The following HAPLN3 variants were observed in gnomAD, a reference collection of about 807,000 sequenced individuals.
The protein encoded by HAPLN3 is extracellular link domain containing, 1.
A neutral mutation model predicts 28.1 loss-of-function variants in HAPLN3; 28 were observed. That is an observed-to-expected ratio of 1.00 (90% confidence interval 0.74 to 1.37). The LOEUF is 1.37. Ranked by LOEUF, HAPLN3 falls within the 40% of genes most tolerant of loss-of-function variation. HAPLN3 has a pLI of 0.00. For synonymous variants in HAPLN3, 211 were observed against 213.1 expected, an observed-to-expected ratio of 0.99 and a Z score of 0.09; for missense variants, 513 against 504.6, an observed-to-expected ratio of 1.02 and a Z score of -0.16.
Position 88,888,268 on chromosome 15 carries a change from A to T in HAPLN3, c.-47-923T>A, listed in dbSNP as rs115340002. Among the ~76,000 whole-genome samples, 6,582 of 151,740 alleles carry T rather than the reference A, an allele frequency of 0.043. 489 individuals are homozygous for T. Among genetic ancestry groups the T allele is most frequent in the African/African-American group, 0.15 (6,114 of 41,350 alleles). The stretch of plus-strand genomic sequence containing the variant: ...CACCAAGCTCAGCTAATTTTTTGTA[A>T]TTTTAGTACAGACGGGGTTTCACCG... On this transcript the variant is annotated intron_variant, in intron 1 of 4. Coordinates refer to ENST00000359595, the MANE Select transcript of HAPLN3 (RefSeq NM_178232.4). The surrounding 1 kb of genome is among the most constrained non-coding windows in gnomAD (Gnocchi z 4.1).
rs1212575069 is a variant in HAPLN3, at chr15:88,877,955, G to C, written c.*15C>G. The C allele has an allele frequency of 6.4e-7, 1 of 1,574,134 alleles. No homozygotes were observed. The highest frequency in any genetic ancestry group is 8.6e-7 in the Non-Finnish European group (1 of 1,159,210). ...ACAGCCAGTGAGGGAATGCGGCAGG[G>C]GAGGGCCCCAGGTCCTAGTGCTGGC... On this transcript the variant is annotated 3_prime_UTR_variant, in exon 5 of 5. Transcript: ENST00000359595. The surrounding 1 kb of genome is among the most constrained non-coding windows in gnomAD (Gnocchi z 5.1).
chr15:88,884,989 G>C (rs561145042), intron 2 of HAPLN3, among the ~76,000 whole-genome samples: 40 of 152,330 alleles, frequency 2.6e-4, no homozygotes, highest in African/African-American at 8.7e-4. Flanking sequence ...ACTAATTTTG[G>C]ATTTCTGGTG....
chr15:88,889,569 C>T (rs769309037), intron 1 of HAPLN3, among the ~76,000 whole-genome samples: 13 of 152,196 alleles, frequency 8.5e-5, no homozygotes, highest in Non-Finnish European at 2.9e-5. Flanking sequence ...CTCCTCGCCT[C>T]GAGTGATCCG....
chr15:88,892,712 C>T (rs1367631183), intron 1 of HAPLN3, among the ~76,000 whole-genome samples: 2 of 152,148 alleles, frequency 1.3e-5, no homozygotes, highest in Non-Finnish European at 2.9e-5. Context: ...TAAAGGGGAA[C>T]TCGGGGGCTG....
chr15:88,878,115 G>A lies in HAPLN3; in HGVS notation c.938C>T (p.Ala313Val), dbSNP rs2141653423. 2 of 1,614,136 alleles carry A rather than the reference G, an allele frequency of 1.2e-6. No individual in the cohort carries two copies. Among genetic ancestry groups the A allele is most frequent in the South Asian group, 2.2e-5 (2 of 91,082 alleles). The change falls in exon 5 of 5, where the codon GCT (alanine) becomes GTT (valine). Residue 313 changes from alanine to valine, a missense_variant. Coordinates refer to ENST00000359595, the MANE Select transcript of HAPLN3 (RefSeq NM_178232.4). ...GACGCTACCATCTGCCAGCCAGCCA[G>A]CGTCGCAGCGGTCCAGGCCATGGAA... ...WKFHGLDRCD[A>V]GWLADGSVRY...
rs181790210 is a variant in HAPLN3, at chr15:88,884,768, C to T, written c.124+2407G>A. Among the ~76,000 whole-genome samples, 15 of 151,898 alleles carry T rather than the reference C, an allele frequency of 9.9e-5. 1 individual carries two copies. The highest frequency in any genetic ancestry group is 3.9e-4 in the Admixed American group (6 of 15,260). On this transcript the variant is annotated intron_variant, in intron 2 of 4. Coordinates refer to ENST00000359595, the MANE Select transcript of HAPLN3 (RefSeq NM_178232.4). Reference sequence around the variant, plus strand: ...CCCAGGTGGGCCCTAAATGCAAATGCGCAAGTACCTGTTTAGAGGGAGGCA... The same window carrying T: ...CCCAGGTGGGCCCTAAATGCAAATGTGCAAGTACCTGTTTAGAGGGAGGCA...
At chr15:88,884,767 G>A (rs554275724) in intron 2 of HAPLN3, among the ~76,000 whole-genome samples, 1 of 152,140 alleles carries the variant, frequency 6.6e-6, no homozygotes, top group Admixed American at 6.5e-5. Context: ...AAATGCAAAT[G>A]CGCAAGTACC....
intron 2 of HAPLN3, among the ~76,000 whole-genome samples, chr15:88,883,809 G>C (rs1436619440): frequency 6.6e-6 from 1 of 152,220 alleles, no homozygotes; most frequent in Non-Finnish European, 1.5e-5. Context: ...TAGGTGCAGT[G>C]GCTCACGCCT....
At chr15:88,882,309 G>A (rs1479227721) in intron 2 of HAPLN3, among the ~76,000 whole-genome samples, 4 of 152,186 alleles carry the variant, frequency 2.6e-5, no homozygotes, top group Non-Finnish European at 5.9e-5. Flanking sequence ...ACTAAGTTTT[G>A]GGTGGTTTGC....
At chr15:88,893,015 T>G (rs1487314577) in intron 1 of HAPLN3, 4 of 1,527,362 alleles carry the variant, frequency 2.6e-6, no homozygotes, top group African/African-American at 1.4e-5. Context: ...GAGTCCTGTC[T>G]GGGCACTCAG....
In HAPLN3 at chr15:88,878,961, A is replaced by T. The variant is rs762202764; in HGVS notation, c.796+6T>A. 2 of 1,603,384 alleles carry T rather than the reference A, an allele frequency of 1.2e-6. No homozygotes were observed. Among genetic ancestry groups the T allele is most frequent in the Non-Finnish European group, 1.7e-6 (2 of 1,175,664 alleles). Reference sequence around the variant, plus strand: ...CCACAGGCCCGCGCTTGGCTATTCCACTCACCCTTGAGGGCAGTAGCGAAG... The same window carrying T: ...CCACAGGCCCGCGCTTGGCTATTCCTCTCACCCTTGAGGGCAGTAGCGAAG... On this transcript the variant is annotated splice_donor_region_variant and intron_variant, in intron 4 of 4. Transcript: ENST00000359595.
chr15:88,878,845 G>T, intron 4 of HAPLN3, 122 bp downstream of exon 4: 1 of 1,054,538 alleles, frequency 9.5e-7, no homozygotes, highest in Non-Finnish European at 1.3e-6. Context: ...TGGTGCTCTT[G>T]GCCTCCAGGT....
Position 88,887,334 on chromosome 15 carries a change from C to G in HAPLN3, c.-36G>C. On this transcript the variant is annotated 5_prime_UTR_variant, in exon 2 of 5. Coordinates refer to ENST00000359595, the MANE Select transcript of HAPLN3 (RefSeq NM_178232.4). ...CAGGGTGACCCGGGCCAGGCTGGGG[C>G]CCCAGGGCAAACTGGGAAGGGGAGG... is the stretch of plus-strand genomic sequence containing the variant. The G allele has an allele frequency of 6.2e-7, 1 of 1,612,206 alleles. No individual in the cohort carries two copies. Among genetic ancestry groups the G allele is most frequent in the Non-Finnish European group, 8.5e-7 (1 of 1,179,156 alleles).
rs146535142 is a variant in HAPLN3, at chr15:88,877,476, G to T, written c.*494C>A. Reference sequence around the variant, plus strand: ...AGCTTTCGCCTGGAAGCCTAGAACTGGCTTCCAGCCCTAGCCCCTCAGTGG... The same window carrying T: ...AGCTTTCGCCTGGAAGCCTAGAACTTGCTTCCAGCCCTAGCCCCTCAGTGG... On this transcript the variant is annotated 3_prime_UTR_variant, in exon 5 of 5. Transcript: ENST00000359595. The surrounding 1 kb of genome is among the most constrained non-coding windows in gnomAD (Gnocchi z 5.1). 3.6e-3 allele frequency: 551 copies of T among 153,796 alleles called. 26 individuals are homozygous for T. The South Asian group carries it at 0.091, about 25-fold the overall frequency. 9.5% of individuals were successfully genotyped at this position (153,796 alleles called of 1,614,324 possible).
Position 88,878,079 on chromosome 15 carries a change from A to T in HAPLN3, c.974T>A (p.Val325Glu). The T allele has an allele frequency of 6.2e-7, 1 of 1,614,036 alleles. No individual in the cohort carries two copies. The highest frequency in any genetic ancestry group is 1.6e-4 in the Middle Eastern group (1 of 6,062). Residue 325 changes from valine to glutamate, a missense_variant, in exon 5 of 5, where the codon GTG becomes GAG. Coordinates refer to ENST00000359595, the MANE Select transcript of HAPLN3 (RefSeq NM_178232.4). ...CCCACAGTTAGGATGCGGGTGAACC[A>T]CAGGGTAGCGGACGCTACCATCTGC... Reference protein sequence around the residue: ...WLADGSVRYPVVHPHPNCGPP... With the variant: ...WLADGSVRYPEVHPHPNCGPP...
Position 88,881,201 on chromosome 15 carries a change from C to A in HAPLN3, c.493+156G>T. ...CCTCTCTGTGCCTCAGTTTTCTCAC[C>A]TGTAAAATGGGGGTCACAACAGTAG... On this transcript the variant is annotated intron_variant, in intron 3 of 4. Coordinates refer to ENST00000359595, the MANE Select transcript of HAPLN3 (RefSeq NM_178232.4). The surrounding 1 kb of genome is among the most constrained non-coding windows in gnomAD (Gnocchi z 6.0). The A allele has an allele frequency of 1.0e-6, 1 of 967,840 alleles. No homozygotes were observed. Among genetic ancestry groups the A allele is most frequent in the Non-Finnish European group, 1.5e-6 (1 of 667,392 alleles). The allele number at this position is 967,840 out of a possible 1,614,324, so 60.0% of individuals were successfully genotyped here.
intron 1 of HAPLN3, among the ~76,000 whole-genome samples, chr15:88,889,428 T>C (rs1240318683): frequency 1.3e-5 from 2 of 152,190 alleles, no homozygotes; most frequent in Non-Finnish European, 2.9e-5. Context: ...CTCCGTCTCC[T>C]GGGTTCAAGT....
intron 4 of HAPLN3, 134 bp downstream of exon 4, chr15:88,878,833 G>T: frequency 2.3e-6 from 2 of 874,816 alleles, no homozygotes; most frequent in South Asian, 3.7e-5. Context: ...TTCTAGGGTG[G>T]CTGGTGCTCT....
At chr15:88,887,460 C>T (rs761456456) in intron 1 of HAPLN3, 115 bp from the exon 2 acceptor site, 18 of 931,864 alleles carry the variant, frequency 1.9e-5, no homozygotes, top group South Asian at 5.0e-5. Context: ...GGACACCTGC[C>T]GCCTACGTGC....
Sources: allele counts gnomAD v4.1 joint callset (sites outside exome capture counted in the v4.1 genomes callset), GRCh38; gene constraint gnomAD v4.1.1; non-coding constraint Gnocchi (gnomAD v3.1); transcripts MANE v1.5; gene names NCBI Gene and HGNC (gene_info 2026-07-23, HGNC 2026-07-21).